TBCD: variants seen among roughly 807,000 people sequenced by gnomAD.
The protein encoded by TBCD is tubulin-specific chaperone D.
Under a neutral mutation model 169.3 loss-of-function variants are expected in TBCD, and 105 were observed. The ratio of observed to expected loss-of-function variants is 0.62; its 90% confidence interval spans 0.53 to 0.73. The LOEUF (loss-of-function observed/expected upper bound fraction) is 0.73. Among genes scored for constraint, TBCD ranks in the 30% least tolerant of loss-of-function variants. The pLI, the probability that TBCD is intolerant of heterozygous loss-of-function variation, is 0.00. For synonymous variants in TBCD, 700 were observed against 643.9 expected, an observed-to-expected ratio of 1.09 and a Z score of -1.32; for missense variants, 1,444 against 1,600.1, an observed-to-expected ratio of 0.90 and a Z score of 1.66.
At position 82,927,980 on chromosome 17, in the gene TBCD, G is replaced by A. The variant is rs1362190085; in HGVS notation, c.2685G>A (p.Glu895=). 6.2e-7 allele frequency: 1 copy of A among 1,611,040 alleles called. No homozygotes were observed. The highest frequency in any genetic ancestry group is 8.5e-7 in the Non-Finnish European group (1 of 1,179,524). Residue 895 remains glutamate (E), a synonymous_variant, in exon 30 of 39, where the codon GAG becomes GAA. Coordinates refer to ENST00000355528, the MANE Select transcript of TBCD (RefSeq NM_005993.5). The part of the protein sequence containing the change: ...LLARSQPELI[E]AHTCERIMCC... ...CTCGGAGCCAGCCTGAGCTGATCGAGGCCCATACGTGAGTGTCACGTCGCA... is the reference window on the plus strand; with the variant it reads ...CTCGGAGCCAGCCTGAGCTGATCGAAGCCCATACGTGAGTGTCACGTCGCA...
Position 82,907,544 on chromosome 17 carries a change from A to T in TBCD, c.1923-217A>T, listed in dbSNP as rs114632160. Among the ~76,000 whole-genome samples the T allele has an allele frequency of 2.9e-3, 446 of 152,346 alleles. 3 individuals carry two copies. Among genetic ancestry groups the T allele is most frequent in the Non-Finnish European group, 5.8e-3 (392 of 68,030 alleles). On this transcript the variant is annotated intron_variant, in intron 20 of 38. Coordinates refer to ENST00000355528, the MANE Select transcript of TBCD (RefSeq NM_005993.5). ...AAATAACAAAAGAATGCAATGTAAA[A>T]CAATACAGTAGAATACAAAAATAAT...
At chr17:82,819,732 C>T (rs922623491) in intron 13 of TBCD, among the ~76,000 whole-genome samples, 1 of 152,212 alleles carries the variant, frequency 6.6e-6, no homozygotes, top group African/African-American at 2.4e-5. Context: ...TTGAGGACTA[C>T]TGTTAAAGGG....
At chr17:82,938,644 C>T (rs2062834637) in intron 36 of TBCD, among the ~76,000 whole-genome samples, 1 of 152,264 alleles carries the variant, frequency 6.6e-6, no homozygotes, top group African/African-American at 2.4e-5. Flanking sequence ...CAGTGCAGCT[C>T]TTGGGCCCTG....
At position 82,832,181 on chromosome 17, in the gene TBCD, C is replaced by A. The variant is rs377414981; in HGVS notation, c.1318+17247C>A. The A allele has an allele frequency of 2.5e-6, 4 of 1,614,214 alleles. No individual in the cohort carries two copies. In the South Asian group the frequency reaches 3.3e-5, roughly 13 times the overall value. ...GAGTCGAAGGCAGAGAGTCCATTTG[C>A]GACAGACTTGGAAGAGGCTGGCTTC... On this transcript the variant is annotated intron_variant, in intron 13 of 38. Coordinates refer to ENST00000355528, the MANE Select transcript of TBCD (RefSeq NM_005993.5). The surrounding 1 kb of genome is among the most constrained non-coding windows in gnomAD (Gnocchi z 4.9).
Position 82,807,616 on chromosome 17 carries a change from C to G in TBCD, c.1096C>G (p.Leu366Val). 1.1e-5 allele frequency: 17 copies of G among 1,543,364 alleles called. No individual in the cohort carries two copies. The highest frequency in any genetic ancestry group is 1.5e-5 in the Non-Finnish European group (17 of 1,143,668). The part of the protein sequence containing the change: ...EGVERVIEQL[L>V]VGLKDKDTVV... ...CCTTCCTCTTCCTACAGAGCAGCTG[C>G]TGGTCGGGCTGAAGGACAAGGACAC... Residue 366 changes from leucine to valine, a missense_variant, in exon 11 of 39, where the codon CTG becomes GTG. Transcript: ENST00000355528.
chr17:82,924,310 G>A (rs560364506), intron 26 of TBCD, among the ~76,000 whole-genome samples: 65 of 152,240 alleles, frequency 4.3e-4, no homozygotes, highest in Non-Finnish European at 7.6e-4. Context: ...TGTTTCACTC[G>A]TTAATACATT....
At chr17:82,909,576 C>T (rs2060479715) in intron 22 of TBCD, among the ~76,000 whole-genome samples, 2 of 147,324 alleles carry the variant, frequency 1.4e-5, no homozygotes, top group African/African-American at 2.5e-5. Flanking sequence ...GGGTGTCACC[C>T]GGCCCGCTGT....
At position 82,832,676 on chromosome 17, in the gene TBCD, AG is replaced by A; in HGVS notation, c.1318+17746del. On this transcript the variant is annotated intron_variant, in intron 13 of 38. Coordinates refer to ENST00000355528, the MANE Select transcript of TBCD (RefSeq NM_005993.5). This position sits in a 1 kb window ranked among gnomAD's most constrained non-coding sequence, Gnocchi z 4.9. ...AGTCTTGGTGTCAGGACAGCGAGTG[AG>A]GGGTCGGCGAGAAGCCGGCCTCGGC... 1 of 588,424 alleles carries A rather than the reference AG, an allele frequency of 1.7e-6. No homozygotes were observed. The highest frequency in any genetic ancestry group is 3.0e-5 in the Admixed American group (1 of 33,496). 36.5% of individuals were successfully genotyped at this position (588,424 alleles called of 1,614,324 possible).
rs540654564 is a variant in TBCD, at chr17:82,905,882, A to T, written c.1805-54A>T. ...GTGTGGGTGCGTGTGGGCTTCCCAC[A>T]GGCCGTCCACATGTACACACCCTCA... On this transcript the variant is annotated intron_variant, in intron 19 of 38. Transcript: ENST00000355528. The T allele has an allele frequency of 2.7e-5, 39 of 1,426,366 alleles. 2 individuals carry two copies. In the South Asian group the frequency reaches 4.7e-4, roughly 17 times the overall value. The allele number at this position is 1,426,366 out of a possible 1,614,324, so 88.4% of individuals were successfully genotyped here.
intron 13 of TBCD, among the ~76,000 whole-genome samples, chr17:82,852,518 T>C (rs756001967): frequency 5.0e-4 from 76 of 152,238 alleles, no homozygotes; most frequent in Non-Finnish European, 8.7e-4. Context: ...CTGCAGGCGC[T>C]GCCTTCCTGC....
At chr17:82,803,898 C>T (rs1356835708) in intron 9 of TBCD, among the ~76,000 whole-genome samples, 1 of 138,870 alleles carries the variant, frequency 7.2e-6, no homozygotes, top group Non-Finnish European at 1.5e-5. Flanking sequence ...GTGTGCCAGC[C>T]ATGGGCCATT....
intron 23 of TBCD, among the ~76,000 whole-genome samples, chr17:82,912,026 G>T (rs1451401871): frequency 6.6e-6 from 1 of 152,220 alleles, no homozygotes; most frequent in African/African-American, 2.4e-5. Context: ...GGGAGGGGTT[G>T]CACCCAGGAG....
intron 14 of TBCD, among the ~76,000 whole-genome samples, chr17:82,870,616 G>A (rs1235319077): frequency 6.6e-6 from 1 of 152,218 alleles, no homozygotes. Flanking sequence ...GCAGGCAGTG[G>A]ATTCTTGGGC....
rs2061502668 is a variant in TBCD at position 82,922,910 on chromosome 17, G to A, written c.2179-742G>A. Among the ~76,000 whole-genome samples, 1 of 152,252 alleles carries A rather than the reference G, an allele frequency of 6.6e-6. No homozygotes were observed. Among genetic ancestry groups the A allele is most frequent in the Non-Finnish European group, 1.5e-5 (1 of 68,042 alleles). ...TAGGTGGCAGAGGTGGGGGTTCGAGGAGACAGTGGCACTGAGCCCCGCACG... is the reference window on the plus strand; with the variant it reads ...TAGGTGGCAGAGGTGGGGGTTCGAGAAGACAGTGGCACTGAGCCCCGCACG... On this transcript the variant is annotated intron_variant, in intron 25 of 38. Transcript: ENST00000355528. This position sits in a 1 kb window ranked among gnomAD's most constrained non-coding sequence, Gnocchi z 4.1.
rs1478563245 is a variant in TBCD, at chr17:82,899,373, G to GCGTCCT, written c.1650-1277_1650-1276insGTCCTC. Among the ~76,000 whole-genome samples the GCGTCCT allele has an allele frequency of 3.3e-5, 5 of 150,372 alleles. No homozygotes were observed. In the South Asian group the frequency reaches 6.3e-4, roughly 19 times the overall value. ...TGCGTGTCCGCAGTGCGTCCTCAGC[G>GCGTCCT]CACGTGTCCTCAGCACGCGTGTCCT... On this transcript the variant is annotated intron_variant, in intron 17 of 38. Coordinates refer to ENST00000355528, the MANE Select transcript of TBCD (RefSeq NM_005993.5).
chr17:82,874,802 T>A lies in TBCD; in HGVS notation c.1475+4422T>A, dbSNP rs78044517. ...TGGGGTGTGCCCTTCCAGATCTCCC[T>A]CCCTTGGTTTGTCATAGGTGACCAC... On this transcript the variant is annotated intron_variant, in intron 14 of 38. Transcript: ENST00000355528. The surrounding 1 kb of genome is among the most constrained non-coding windows in gnomAD (Gnocchi z 5.0). Among the ~76,000 whole-genome samples, 1,207 of 152,294 alleles carry A rather than the reference T, an allele frequency of 7.9e-3. 14 individuals are homozygous for A. Among genetic ancestry groups the A allele is most frequent in the African/African-American group, 0.028 (1,144 of 41,560 alleles).
At chr17:82,873,646 G>C (rs762000918) in intron 14 of TBCD, among the ~76,000 whole-genome samples, 1 of 152,222 alleles carries the variant, frequency 6.6e-6, no homozygotes, top group Non-Finnish European at 1.5e-5. Context: ...CTTTGGCAAC[G>C]TTAGATGTCA....
At chr17:82,774,673 G>C (rs1598431364) in intron 6 of TBCD, among the ~76,000 whole-genome samples, 1 of 152,164 alleles carries the variant, frequency 6.6e-6, no homozygotes, top group African/African-American at 2.4e-5. Context: ...GGCCGGGCGG[G>C]GGCTGCCCCC....
chr17:82,820,166 C>T (rs2052296280), intron 13 of TBCD, among the ~76,000 whole-genome samples: 1 of 151,934 alleles, frequency 6.6e-6, no homozygotes, highest in Non-Finnish European at 1.5e-5. Flanking sequence ...TTAGTAGAGA[C>T]CAGATTTCTC....
Sources: gnomAD v4.1 joint callset for allele counts (sites outside exome capture counted in the v4.1 genomes callset) on GRCh38, gnomAD v4.1.1 for gene constraint, Gnocchi (gnomAD v3.1) non-coding constraint, MANE v1.5 for transcripts, NCBI Gene and HGNC (gene_info 2026-07-23, HGNC 2026-07-21) for gene names.